The following BACH2 variants were observed in gnomAD, a reference collection of about 807,000 sequenced individuals.
BACH2 encodes transcription regulator protein BACH2.
In BACH2, 5 loss-of-function variants were observed where a neutral mutation model predicts 61.8. The ratio of observed to expected loss-of-function variants is 0.08; its 90% CI spans 0.04 to 0.17. The LOEUF (loss-of-function observed/expected upper bound fraction) is 0.17, where lower values mean the gene tolerates loss of function less well. Among genes scored for constraint, BACH2 ranks in the 10% least tolerant of loss-of-function variants. The probability of loss-of-function intolerance (pLI) is 1.00; values close to 1 mark genes in which losing one functional copy is unlikely to be tolerated. For synonymous variants in BACH2, 446 were observed against 440.1 expected (o/e 1.01, Z -0.17); for missense variants, 824 against 1,091.1 (o/e 0.76, Z 3.45).
At chr6:90,089,759 C>G (rs1023235640) in intron 4 of BACH2, among the ~76,000 whole-genome samples, 1 of 151,982 alleles carries the variant, frequency 6.6e-6, no homozygotes, top group African/African-American at 2.4e-5. Flanking sequence ...CTCTTGGGGC[C>G]AGATATATTT....
At chr6:90,222,582 G>T (rs1415488631) in intron 3 of BACH2, among the ~76,000 whole-genome samples, 2 of 152,120 alleles carry the variant, frequency 1.3e-5, no homozygotes, top group Admixed American at 6.5e-5. Context: ...AAGTTTCATT[G>T]TTCCTTTTGA....
chr6:90,087,977 A>AT (rs1303952105), intron 5 of BACH2, among the ~76,000 whole-genome samples: 3,279 of 142,034 alleles, frequency 0.023, 82 homozygotes, highest in African/African-American at 0.061. Flanking sequence ...CATTCTTTCT[A>AT]TTTTTTTTTT....
chr6:90,156,442 T>C (rs766032084), intron 4 of BACH2, among the ~76,000 whole-genome samples: 1 of 152,170 alleles, frequency 6.6e-6, no homozygotes, highest in Non-Finnish European at 1.5e-5. Context: ...CAGTCCTTTT[T>C]CTACATGGCA....
At chr6:89,966,587 C>T (rs891672312) in intron 6 of BACH2, among the ~76,000 whole-genome samples, 4 of 152,320 alleles carry the variant, frequency 2.6e-5, no homozygotes, top group African/African-American at 7.2e-5. Context: ...GTCAGTCACC[C>T]ACTTCCCCTC....
intron 3 of BACH2, among the ~76,000 whole-genome samples, chr6:90,207,136 T>C (rs1164741166): frequency 6.6e-6 from 1 of 152,186 alleles, no homozygotes; most frequent in African/African-American, 2.4e-5. Flanking sequence ...TTTGTTTTTT[T>C]GGCATAGAGT....
intron 3 of BACH2, among the ~76,000 whole-genome samples, chr6:90,245,419 T>C (rs1770600186): frequency 6.6e-6 from 1 of 152,136 alleles, no homozygotes; most frequent in Non-Finnish European, 1.5e-5. Flanking sequence ...AGAGAGACTC[T>C]GTTTCTAACA....
At chr6:90,086,205 ACAC>A (rs1008711695) in intron 5 of BACH2, among the ~76,000 whole-genome samples, 8 of 152,324 alleles carry the variant, frequency 5.3e-5, no homozygotes, top group African/African-American at 9.6e-5. Flanking sequence ...GTATTAATAT[ACAC>A]CACATTTTGT....
At chr6:90,235,213 TAGAA>T (rs1770220172) in intron 3 of BACH2, among the ~76,000 whole-genome samples, 1 of 152,160 alleles carries the variant, frequency 6.6e-6, no homozygotes, top group South Asian at 2.1e-4. Context: ...GTTGCATTCA[TAGAA>T]AGGAAGATTA....
chr6:90,235,070 C>T (rs537464354), intron 3 of BACH2, among the ~76,000 whole-genome samples: 4 of 152,208 alleles, frequency 2.6e-5, no homozygotes, highest in East Asian at 1.9e-4. Flanking sequence ...ATCTTTTTTG[C>T]TTTAGTCCGT....
rs566142677 is a variant in BACH2, at chr6:89,976,461, C to A, written c.244-24599G>T. Among the ~76,000 whole-genome samples the A allele has an allele frequency of 7.9e-5, 12 of 152,320 alleles. No homozygotes were observed. In the East Asian group the frequency reaches 2.3e-3, roughly 29 times the overall value. On this transcript the variant is annotated intron_variant, in intron 6 of 8. Coordinates refer to ENST00000257749, the MANE Select transcript of BACH2 (RefSeq NM_021813.4). ...AAAACAAACTTGAAAGATATATGAA[C>A]CACAATGATCACAGCCGACAATATG...
chr6:90,243,042 G>A (rs1770506854), intron 3 of BACH2, among the ~76,000 whole-genome samples: 1 of 145,858 alleles, frequency 6.9e-6, no homozygotes, highest in Non-Finnish European at 1.5e-5. Context: ...ACCATGCCCG[G>A]CTAATTTTTT....
chr6:89,965,619 T>C (rs1484857258), intron 6 of BACH2, among the ~76,000 whole-genome samples: 3 of 152,238 alleles, frequency 2.0e-5, no homozygotes, highest in African/African-American at 7.2e-5. Flanking sequence ...ACTGCCCACT[T>C]GGGCAAGCAA....
intron 4 of BACH2, among the ~76,000 whole-genome samples, chr6:90,107,425 A>C (rs1234431509): frequency 6.6e-6 from 1 of 152,136 alleles, no homozygotes; most frequent in Non-Finnish European, 1.5e-5. Context: ...GTTATAGCCA[A>C]CAATACATTT....
chr6:90,204,120 C>G (rs943662574), intron 4 of BACH2, among the ~76,000 whole-genome samples: 3 of 152,094 alleles, frequency 2.0e-5, no homozygotes, highest in Admixed American at 6.6e-5. Flanking sequence ...TAACAAGGAC[C>G]CTAGAACGCC....
At chr6:90,126,055 C>T (rs1282160279) in intron 4 of BACH2, among the ~76,000 whole-genome samples, 1 of 152,166 alleles carries the variant, frequency 6.6e-6, no homozygotes, top group Non-Finnish European at 1.5e-5. Context: ...CTAGGCTCCA[C>T]TTTGCGATCT....
At chr6:90,233,738 G>T (rs1487477112) in intron 3 of BACH2, among the ~76,000 whole-genome samples, 1 of 152,190 alleles carries the variant, frequency 6.6e-6, no homozygotes, top group Non-Finnish European at 1.5e-5. Context: ...CTGGTGGCCA[G>T]TGTAAATCCT....
At chr6:90,041,078 G>T (rs1169663433) in intron 5 of BACH2, among the ~76,000 whole-genome samples, 1 of 152,070 alleles carries the variant, frequency 6.6e-6, no homozygotes, top group East Asian at 1.9e-4. Context: ...CTCTTGTACT[G>T]CACAGGCTAA....
intron 1 of BACH2, among the ~76,000 whole-genome samples, chr6:90,272,594 G>T (rs1049656187): frequency 3.9e-5 from 6 of 152,180 alleles, no homozygotes; most frequent in African/African-American, 1.4e-4. Flanking sequence ...AAATGAGCTT[G>T]TCTATTGACC....
chr6:90,277,361 A>T (rs921280804), intron 1 of BACH2, among the ~76,000 whole-genome samples: 1 of 152,372 alleles, frequency 6.6e-6, no homozygotes, highest in South Asian at 2.1e-4. Flanking sequence ...TTAACTGTGC[A>T]TATTATCGAG....
Sources: gnomAD v4.1 joint callset for allele counts (sites outside exome capture counted in the v4.1 genomes callset) on GRCh38, gnomAD v4.1.1 for gene constraint, MANE v1.5 for transcripts, NCBI Gene and HGNC (gene_info 2026-07-23, HGNC 2026-07-21) for gene names.